Variants in CPZ observed in about 807,000 individuals in gnomAD.
CPZ encodes the protein carboxypeptidase Z, also known as VEZT/CPZ fusion.
A neutral mutation model predicts 61.8 loss-of-function variants in CPZ; 103 were observed. That is an observed-to-expected ratio of 1.67 (90% CI 1.42 to 1.96). The LOEUF (loss-of-function observed/expected upper bound fraction) is 1.96. CPZ is among the 30% of genes most tolerant of loss of function. The probability of loss-of-function intolerance (pLI) is 0.00; values close to 1 mark genes in which losing one functional copy is unlikely to be tolerated. For synonymous variants in CPZ, 551 were observed against 373.7 expected (o/e 1.47, Z -5.47); for missense variants, 1,461 against 914.9 (o/e 1.60, Z -7.70).
chr4:8,593,688 C>G (rs893342183), intron 1 of CPZ, among the ~76,000 whole-genome samples: 1 of 152,122 alleles, frequency 6.6e-6, no homozygotes, highest in Admixed American at 6.5e-5. Flanking sequence ...TGCAGGGTGT[C>G]AGGTTCTGAA....
intron 1 of CPZ, among the ~76,000 whole-genome samples, chr4:8,598,668 G>A (rs1317925268): frequency 6.6e-6 from 1 of 152,260 alleles, no homozygotes; most frequent in Non-Finnish European, 1.5e-5. Context: ...CTGATGCCGG[G>A]TTCCCCGCCT....
intron 1 of CPZ, among the ~76,000 whole-genome samples, chr4:8,593,744 C>T (rs960915893): frequency 3.3e-5 from 5 of 152,150 alleles, no homozygotes; most frequent in African/African-American, 1.2e-4. Flanking sequence ...CTGCCTGAGC[C>T]CTGCGAGTGG....
In CPZ at chr4:8,615,590, G is replaced by A. The variant is rs895563063; in HGVS notation, c.1503+1092G>A. ...AGCCGGTTCTGACACCAGGCCGGGCGGCAGACGGGGCCGTCCCATTTTATA... is the reference window on the plus strand; with the variant it reads ...AGCCGGTTCTGACACCAGGCCGGGCAGCAGACGGGGCCGTCCCATTTTATA... On this transcript the variant is annotated intron_variant, in intron 9 of 10. Coordinates refer to ENST00000360986, the MANE Select transcript of CPZ (RefSeq NM_001014447.3). Among the ~76,000 whole-genome samples, 13 of 152,314 alleles carry A rather than the reference G, an allele frequency of 8.5e-5. No individual in the cohort carries two copies. The East Asian group carries it at 9.7e-4, about 11-fold the overall frequency.
At chr4:8,610,755 G>A (rs1328249565) in intron 7 of CPZ, among the ~76,000 whole-genome samples, 2 of 152,210 alleles carry the variant, frequency 1.3e-5, no homozygotes, top group Admixed American at 1.3e-4. Flanking sequence ...GCTGCTGGCA[G>A]GATAGTGGTC....
chr4:8,618,436 G>T lies in CPZ; in HGVS notation c.1511G>T (p.Arg504Leu). 6.2e-7 allele frequency: 1 copy of T among 1,614,108 alleles called. No individual in the cohort carries two copies. Among genetic ancestry groups the T allele is most frequent in the Non-Finnish European group, 8.5e-7 (1 of 1,180,006 alleles). Reference protein sequence around the residue: ...SLLNFVETVHRGIKGVVTDKF... With the variant: ...SLLNFVETVHLGIKGVVTDKF... ...TCCCCTTGGTCTCTTCAGGTGCACC[G>T]GGGCATCAAAGGTGTGGTGACAGAT... is the stretch of plus-strand genomic sequence containing the variant. Residue 504 changes from arginine to leucine, a missense_variant, in exon 10 of 11, where the codon CGG (arginine) becomes CTG (leucine). By Grantham distance (102) the Arg-to-Leu change is moderately radical (BLOSUM62 -2). Coordinates refer to ENST00000360986, the MANE Select transcript of CPZ (RefSeq NM_001014447.3).
intron 2 of CPZ, among the ~76,000 whole-genome samples, chr4:8,600,696 C>T (rs1714511718): frequency 6.6e-6 from 1 of 152,226 alleles, no homozygotes; most frequent in Non-Finnish European, 1.5e-5. Flanking sequence ...CCCCAACTGA[C>T]CCATTAGGGT....
intron 1 of CPZ, among the ~76,000 whole-genome samples, chr4:8,594,852 G>A (rs1050657440): frequency 2.0e-5 from 3 of 151,102 alleles, no homozygotes; most frequent in Non-Finnish European, 2.9e-5. Context: ...AGCTCACTGC[G>A]AGCTCCACCT....
At chr4:8,609,416 C>T (rs529146180) in intron 7 of CPZ, among the ~76,000 whole-genome samples, 91 of 146,698 alleles carry the variant, frequency 6.2e-4, no homozygotes, top group Non-Finnish European at 1.1e-3. Context: ...TTCCCGCACT[C>T]CTTCCCTCAC....
At chr4:8,604,267 T>C in intron 4 of CPZ, 79 bp downstream of exon 4, 2 of 1,370,182 alleles carry the variant, frequency 1.5e-6, no homozygotes, top group Non-Finnish European at 9.8e-7. Context: ...GTGCACAAGT[T>C]GGTGGGGTGT....
intron 8 of CPZ, among the ~76,000 whole-genome samples, chr4:8,613,165 C>T (rs1453864535): frequency 6.7e-6 from 1 of 149,530 alleles, no homozygotes; most frequent in Non-Finnish European, 1.5e-5. Flanking sequence ...CGGAGTCTCG[C>T]TCTGTCACCA....
chr4:8,600,751 C>T (rs374018180), intron 2 of CPZ, among the ~76,000 whole-genome samples: 29 of 152,234 alleles, frequency 1.9e-4, no homozygotes, highest in Non-Finnish European at 2.8e-4. Context: ...TCTTTTGGGA[C>T]GTCTTTGTGC....
At position 8,612,059 on chromosome 4, in the gene CPZ, C is replaced by T. The variant is rs2302574; in HGVS notation, c.1260C>T (p.Asp420=). 0.013 allele frequency: 20,252 copies of T among 1,613,882 alleles called. 1,483 individuals are homozygous for T. The East Asian group carries it at 0.24, about 19-fold the overall frequency. ...AGCTGCTGTCCAGAGCCTACGCTGA[C>T]GTCCACCCCATGATGATGGACAGGT... The part of the protein sequence containing the change: ...MFKLLSRAYA[D]VHPMMMDRSE... The change falls in exon 8 of 11, where the codon GAC becomes GAT. Residue 420 remains aspartate (D), a synonymous_variant. Transcript: ENST00000360986.
intron 4 of CPZ, among the ~76,000 whole-genome samples, chr4:8,605,122 C>T (rs139728236): frequency 9.2e-5 from 14 of 152,332 alleles, no homozygotes; most frequent in East Asian, 5.8e-4. Context: ...ATTTATACCC[C>T]GGGATGTGGC....
intron 7 of CPZ, among the ~76,000 whole-genome samples, chr4:8,608,142 C>CAGCTT (rs1230960036): frequency 2.9e-4 from 40 of 137,822 alleles, no homozygotes; most frequent in African/African-American, 1.2e-3. Context: ...GCCTCCAGCC[C>CAGCTT]CCAGCCCCCA....
intron 7 of CPZ, chr4:8,611,113 G>C (rs1316283301): frequency 9.6e-6 from 4 of 416,566 alleles, no homozygotes; most frequent in African/African-American, 2.2e-5. Flanking sequence ...CTCACTCACT[G>C]GGCCCTGCCT....
Position 8,619,586 on chromosome 4 carries a change from C to G in CPZ, c.1928C>G (p.Thr643Ser), listed in dbSNP as rs1228588555. ...TGGTCCTACTTCACATCGCTGAGCA[C>G]CCACAGGCCACGCTGGCTGCTCAAG... ...WWWSYFTSLS[T>S]HRPRWLLKY Residue 643 changes from threonine (T) to serine (S), a missense_variant, in exon 11 of 11, where the codon ACC (threonine) becomes AGC (serine). Coordinates refer to ENST00000360986, the MANE Select transcript of CPZ (RefSeq NM_001014447.3). The G allele has an allele frequency of 1.3e-6, 2 of 1,518,208 alleles. No homozygotes were observed. Among genetic ancestry groups the G allele is most frequent in the African/African-American group, 1.4e-5 (1 of 71,866 alleles). The allele number at this position is 1,518,208 out of a possible 1,614,324, so 94.0% of individuals were successfully genotyped here.
At chr4:8,612,764 C>T (rs1339065379) in intron 8 of CPZ, among the ~76,000 whole-genome samples, 1 of 152,214 alleles carries the variant, frequency 6.6e-6, no homozygotes, top group Admixed American at 6.5e-5. Flanking sequence ...TGGGCCCTGC[C>T]TGCACCTCTC....
At position 8,599,443 on chromosome 4, in the gene CPZ, C is replaced by G; in HGVS notation, c.89-10C>G. 1 of 1,606,648 alleles carries G rather than the reference C, an allele frequency of 6.2e-7. No individual in the cohort carries two copies. Among genetic ancestry groups the G allele is most frequent in the Non-Finnish European group, 8.5e-7 (1 of 1,175,602 alleles). On this transcript the variant is annotated splice_polypyrimidine_tract_variant and intron_variant, in intron 1 of 10. Coordinates refer to ENST00000360986, the MANE Select transcript of CPZ (RefSeq NM_001014447.3). Reference sequence around the variant, plus strand: ...GCAGGTCCCTAACAGTGCCATGTCTCTCTTTCCAGGTGAATGCCACAGGCC... The same window carrying G: ...GCAGGTCCCTAACAGTGCCATGTCTGTCTTTCCAGGTGAATGCCACAGGCC...
chr4:8,613,579 G>C (rs1259580396), intron 8 of CPZ, among the ~76,000 whole-genome samples: 1 of 152,224 alleles, frequency 6.6e-6, no homozygotes, highest in Non-Finnish European at 1.5e-5. Flanking sequence ...CAGGAGCCTT[G>C]AACTTCAGAA....
Sources: allele counts gnomAD v4.1 joint callset (sites outside exome capture counted in the v4.1 genomes callset), GRCh38; gene constraint gnomAD v4.1.1; transcripts MANE v1.5; gene names NCBI Gene and HGNC (gene_info 2026-07-23, HGNC 2026-07-21).